Variants in ITFG1 observed in about 807,000 individuals in gnomAD.
The protein encoded by ITFG1 is T-cell immunomodulatory protein.
Under a neutral mutation model 81.8 loss-of-function variants are expected in ITFG1, and 34 were observed. The observed-to-expected ratio is 0.42, with a 90% CI of 0.32 to 0.55. The LOEUF is 0.55. Ranked by LOEUF, ITFG1 falls within the 20% of genes least tolerant of loss-of-function variation. The pLI is 0.17. For synonymous variants in ITFG1, 285 were observed against 270.6 expected, an observed-to-expected ratio of 1.05 and a Z score of -0.52; for missense variants, 672 against 755.4, an observed-to-expected ratio of 0.89 and a Z score of 1.29.
chr16:47,201,809 T>C (rs1266813854), intron 14 of ITFG1, among the ~76,000 whole-genome samples: 1 of 152,240 alleles, frequency 6.6e-6, no homozygotes, highest in Non-Finnish European at 1.5e-5. Flanking sequence ...CACTAGCCCT[T>C]TAGCAAAAGG....
intron 6 of ITFG1, among the ~76,000 whole-genome samples, chr16:47,376,964 CAA>C (rs1222007051): frequency 5.0e-4 from 9 of 18,076 alleles, no homozygotes; most frequent in Admixed American, 3.4e-3. Context: ...TCTGTCTCCC[CAA>C]AAAAAAAAAA....
chr16:47,200,150 G>T (rs1487262353), intron 14 of ITFG1, among the ~76,000 whole-genome samples: 2 of 152,182 alleles, frequency 1.3e-5, no homozygotes, highest in Non-Finnish European at 2.9e-5. Flanking sequence ...ATCTAGTCTA[G>T]GTGTGAAGTA....
chr16:47,461,090 C>T (rs1016883264), upstream of ITFG1: 14 of 1,472,498 alleles, frequency 9.5e-6, no homozygotes, highest in African/African-American at 1.7e-4. Context: ...CCGCGCTTGA[C>T]GACAGCCGCA....
intron 1 of ITFG1, among the ~76,000 whole-genome samples, chr16:47,460,193 G>A (rs1029961561): frequency 1.3e-5 from 2 of 152,246 alleles, no homozygotes; most frequent in Non-Finnish European, 2.9e-5. Context: ...GCTCAAGAGA[G>A]AAATTTCTGT....
chr16:47,278,060 T>G (rs1021395891), intron 10 of ITFG1, among the ~76,000 whole-genome samples: 5 of 152,222 alleles, frequency 3.3e-5, no homozygotes, highest in African/African-American at 7.2e-5. Context: ...CATATCTACC[T>G]GTGTTCCCTC....
intron 2 of ITFG1, among the ~76,000 whole-genome samples, chr16:47,457,625 A>C (rs893524926): frequency 6.6e-6 from 1 of 152,178 alleles, no homozygotes; most frequent in Non-Finnish European, 1.5e-5. Context: ...AATAAGGGTG[A>C]AGAATAGTTA....
chr16:47,191,343 T>C (rs1965290612), intron 14 of ITFG1, among the ~76,000 whole-genome samples: 1 of 152,074 alleles, frequency 6.6e-6, no homozygotes, highest in Non-Finnish European at 1.5e-5. Flanking sequence ...CCAGGGTGGC[T>C]TTGAATGTGG....
intron 13 of ITFG1, among the ~76,000 whole-genome samples, chr16:47,221,023 C>T (rs1965684050): frequency 6.6e-6 from 1 of 152,128 alleles, no homozygotes; most frequent in Non-Finnish European, 1.5e-5. Flanking sequence ...GCCTTGAAAA[C>T]CAACAGCTTT....
At chr16:47,272,663 T>C (rs780673526) in intron 10 of ITFG1, among the ~76,000 whole-genome samples, 5 of 152,132 alleles carry the variant, frequency 3.3e-5, no homozygotes, top group Non-Finnish European at 7.4e-5. Flanking sequence ...CCCAAAGTGC[T>C]GGGATTACGG....
At chr16:47,215,605 A>G (rs978861759) in intron 14 of ITFG1, among the ~76,000 whole-genome samples, 4 of 152,234 alleles carry the variant, frequency 2.6e-5, no homozygotes, top group Admixed American at 2.6e-4. Context: ...TGACCAAGAG[A>G]TAATTGTGGT....
intron 5 of ITFG1, among the ~76,000 whole-genome samples, chr16:47,433,792 T>TATATATATATATATATATATAC (rs1491145615): frequency 1.5e-5 from 2 of 135,652 alleles, no homozygotes; most frequent in African/African-American, 5.7e-5. Context: ...TATATATATA[T>TATATATATATATATATATATAC]ACACACACAC....
intron 6 of ITFG1, among the ~76,000 whole-genome samples, chr16:47,393,909 T>G (rs138334755): frequency 6.6e-6 from 1 of 152,182 alleles, no homozygotes; most frequent in African/African-American, 2.4e-5. Flanking sequence ...TTAAAACATA[T>G]GTTTTAAGTC....
At chr16:47,341,260 T>A (rs1336187182) in intron 8 of ITFG1, among the ~76,000 whole-genome samples, 2 of 149,328 alleles carry the variant, frequency 1.3e-5, no homozygotes, top group Non-Finnish European at 3.0e-5. Flanking sequence ...CTGTAAAAAA[T>A]AAATAAATAA....
chr16:47,220,346 T>C (rs548621909), intron 13 of ITFG1, among the ~76,000 whole-genome samples: 3 of 152,342 alleles, frequency 2.0e-5, no homozygotes, highest in South Asian at 2.1e-4. Context: ...TTTGTATTAA[T>C]AGAGCAAAAA....
chr16:47,439,705 C>A (rs906057613), intron 5 of ITFG1, among the ~76,000 whole-genome samples: 4 of 152,326 alleles, frequency 2.6e-5, no homozygotes, highest in Non-Finnish European at 4.4e-5. Flanking sequence ...TGGAAAGGAA[C>A]AACCGGTATC....
intron 6 of ITFG1, among the ~76,000 whole-genome samples, chr16:47,390,917 T>C (rs4966882): frequency 0.27 from 41,272 of 152,026 alleles, 7,119 homozygotes; most frequent in East Asian, 0.61. Context: ...GTTTGAGTGA[T>C]TAGACAACTA....
At chr16:47,327,435 A>G (rs1031424068) in intron 8 of ITFG1, among the ~76,000 whole-genome samples, 27 of 152,310 alleles carry the variant, frequency 1.8e-4, no homozygotes, top group African/African-American at 6.0e-4. Flanking sequence ...CATGTCTAAA[A>G]CACCAAAAGC....
intron 8 of ITFG1, among the ~76,000 whole-genome samples, chr16:47,349,847 T>A (rs561905438): frequency 6.6e-6 from 1 of 152,204 alleles, no homozygotes; most frequent in Admixed American, 6.5e-5. Context: ...GAACAGAAAT[T>A]ATAACAAACT....
chr16:47,179,132 C>T (rs558214745), intron 14 of ITFG1, among the ~76,000 whole-genome samples: 260 of 152,232 alleles, frequency 1.7e-3, no homozygotes, highest in African/African-American at 5.9e-3. Context: ...GTTGGTGGGA[C>T]TGTAAACTAG....
Sources: allele counts gnomAD v4.1 joint callset (sites outside exome capture counted in the v4.1 genomes callset), GRCh38; gene constraint gnomAD v4.1.1; transcripts MANE v1.5; gene names NCBI Gene and HGNC (gene_info 2026-07-23, HGNC 2026-07-21).